Variants in PDZRN4 observed in about 807,000 individuals in gnomAD.
The protein encoded by PDZRN4 is PDZ domain containing ring finger 4.
Under a neutral mutation model 99.0 loss-of-function variants are expected in PDZRN4, and 70 were observed. The observed-to-expected ratio is 0.71, with a 90% confidence interval of 0.58 to 0.86. The LOEUF (loss-of-function observed/expected upper bound fraction) is 0.86, where lower values mean the gene tolerates loss of function less well. Ranked by LOEUF, PDZRN4 falls within the 40% of genes least tolerant of loss-of-function variation. The pLI, the probability that PDZRN4 is intolerant of heterozygous loss-of-function variation, is 0.00. For synonymous variants in PDZRN4, 551 were observed against 501.6 expected, an observed-to-expected ratio of 1.10 and a Z score of -1.32; for missense variants, 1,474 against 1,331.2, an observed-to-expected ratio of 1.11 and a Z score of -1.67.
chr12:41,384,635 C>A (rs1219512573), intron 3 of PDZRN4, among the ~76,000 whole-genome samples: 5 of 152,126 alleles, frequency 3.3e-5, no homozygotes, highest in Admixed American at 3.3e-4. Flanking sequence ...ACTGTTGACT[C>A]TCTCTTATTT....
intron 3 of PDZRN4, among the ~76,000 whole-genome samples, chr12:41,341,727 T>A (rs994118312): frequency 6.6e-6 from 1 of 151,738 alleles, no homozygotes; most frequent in Non-Finnish European, 1.5e-5. Flanking sequence ...AAGATAGATT[T>A]TGTTCATGGA....
chr12:41,344,029 A>G (rs1225232890), intron 3 of PDZRN4, among the ~76,000 whole-genome samples: 2 of 152,086 alleles, frequency 1.3e-5, no homozygotes, highest in Non-Finnish European at 2.9e-5. Flanking sequence ...AAAATTGTAT[A>G]CTTCAGGTTT....
At chr12:41,432,782 G>A (rs2120443099) in intron 3 of PDZRN4, among the ~76,000 whole-genome samples, 1 of 152,308 alleles carries the variant, frequency 6.6e-6, no homozygotes, top group South Asian at 2.1e-4. Context: ...GGACAATTGG[G>A]TGGATAGTTT....
chr12:41,560,732 A>G (rs550405478), intron 7 of PDZRN4, among the ~76,000 whole-genome samples: 12 of 152,274 alleles, frequency 7.9e-5, no homozygotes, highest in African/African-American at 2.2e-4. Context: ...CCATTATTTC[A>G]GGACCAAGAG....
At chr12:41,483,304 C>G (rs1278045262) in intron 3 of PDZRN4, among the ~76,000 whole-genome samples, 1 of 152,108 alleles carries the variant, frequency 6.6e-6, no homozygotes, top group East Asian at 1.9e-4. Flanking sequence ...AGATCCTACA[C>G]AGTAAGCTTA....
At chr12:41,545,067 A>G (rs79037705) in intron 5 of PDZRN4, among the ~76,000 whole-genome samples, 2,127 of 152,318 alleles carry the variant, frequency 0.014, 46 homozygotes, top group African/African-American at 0.049. Context: ...TAATCCCTCC[A>G]ACTCACCCAC....
intron 3 of PDZRN4, among the ~76,000 whole-genome samples, chr12:41,358,506 G>T (rs1365582260): frequency 2.6e-5 from 4 of 151,500 alleles, no homozygotes; most frequent in Admixed American, 2.0e-4. Flanking sequence ...TTTTTCCATT[G>T]TATAGATGAA....
chr12:41,439,982 G>T (rs1013805707), intron 3 of PDZRN4, among the ~76,000 whole-genome samples: 1 of 152,110 alleles, frequency 6.6e-6, no homozygotes, highest in African/African-American at 2.4e-5. Context: ...CTGGAGCCCC[G>T]TGTGGTGCTG....
chr12:41,363,155 T>C lies in PDZRN4; in HGVS notation c.844-143301T>C, dbSNP rs1288039363. ...GTATTTTATTGACAAATAATAAAGCTAGTAATTGGACTGGGAGAGGAATAT... is the reference window on the plus strand; with the variant it reads ...GTATTTTATTGACAAATAATAAAGCCAGTAATTGGACTGGGAGAGGAATAT... On this transcript the variant is annotated intron_variant, in intron 3 of 9. Transcript: ENST00000402685. 7.2e-5 allele frequency among the ~76,000 whole-genome samples: 11 copies of C among 152,182 alleles called. No individual in the cohort carries two copies. In the East Asian group the frequency reaches 2.1e-3, roughly 30 times the overall value.
chr12:41,463,594 A>G (rs1952893572), intron 3 of PDZRN4, among the ~76,000 whole-genome samples: 1 of 152,098 alleles, frequency 6.6e-6, no homozygotes, highest in Admixed American at 6.6e-5. Context: ...GGCACAGTGC[A>G]CAGTGTTTTA....
intron 3 of PDZRN4, among the ~76,000 whole-genome samples, chr12:41,253,967 C>A (rs965708219): frequency 6.6e-6 from 1 of 151,400 alleles, no homozygotes; most frequent in African/African-American, 2.4e-5. Context: ...AGATTCCTGG[C>A]CACTAGAGGC....
intron 5 of PDZRN4, among the ~76,000 whole-genome samples, chr12:41,519,882 GC>G (rs1270606119): frequency 6.6e-6 from 1 of 152,002 alleles, no homozygotes; most frequent in East Asian, 1.9e-4. Context: ...GAAAACTCAG[GC>G]CTATATAATG....
intron 3 of PDZRN4, among the ~76,000 whole-genome samples, chr12:41,215,202 T>A (rs1366672941): frequency 1.3e-5 from 2 of 152,066 alleles, no homozygotes; most frequent in Non-Finnish European, 2.9e-5. Flanking sequence ...TTTGAGGATA[T>A]CTTGGTATTA....
chr12:41,260,400 A>G (rs1256359670), intron 3 of PDZRN4, among the ~76,000 whole-genome samples: 1 of 152,108 alleles, frequency 6.6e-6, no homozygotes, highest in Admixed American at 6.5e-5. Flanking sequence ...CAAGCAGTAC[A>G]ATTGAGTGGA....
At chr12:41,476,834 C>T (rs1340028421) in intron 3 of PDZRN4, among the ~76,000 whole-genome samples, 1 of 152,208 alleles carries the variant, frequency 6.6e-6, no homozygotes, top group Non-Finnish European at 1.5e-5. Flanking sequence ...AAGCAGTCCT[C>T]TTAATTGGGA....
intron 3 of PDZRN4, among the ~76,000 whole-genome samples, chr12:41,290,206 T>C (rs1462717937): frequency 4.6e-5 from 7 of 152,210 alleles, no homozygotes; most frequent in Admixed American, 4.6e-4. Flanking sequence ...TTGGCTAACA[T>C]GCATTGTTTC....
intron 5 of PDZRN4, among the ~76,000 whole-genome samples, chr12:41,527,994 A>G (rs772246338): frequency 1.3e-5 from 2 of 152,220 alleles, no homozygotes; most frequent in African/African-American, 2.4e-5. Context: ...GGCTATTTTC[A>G]CAACTGAAGA....
At chr12:41,358,130 C>A (rs1299535730) in intron 3 of PDZRN4, among the ~76,000 whole-genome samples, 1 of 151,876 alleles carries the variant, frequency 6.6e-6, no homozygotes, top group African/African-American at 2.4e-5. Context: ...TGTGGTAATG[C>A]CTCAGAGAAG....
At chr12:41,571,059 T>G (rs113727618) in intron 9 of PDZRN4, among the ~76,000 whole-genome samples, 1 of 152,156 alleles carries the variant, frequency 6.6e-6, no homozygotes, top group African/African-American at 2.4e-5. Context: ...TATCCTTCTT[T>G]AGCACTAGCT....
Sources: gnomAD v4.1 joint callset for allele counts (sites outside exome capture counted in the v4.1 genomes callset) on GRCh38, gnomAD v4.1.1 for gene constraint, MANE v1.5 for transcripts, NCBI Gene and HGNC (gene_info 2026-07-23, HGNC 2026-07-21) for gene names.